Variants in SLC24A3 observed in about 807,000 individuals in gnomAD.
The protein encoded by SLC24A3 is sodium/potassium/calcium exchanger 3.
In SLC24A3, 28 loss-of-function variants were observed where a neutral mutation model predicts 75.8. The ratio of observed to expected loss-of-function variants is 0.37; its 90% CI spans 0.27 to 0.51. The LOEUF (loss-of-function observed/expected upper bound fraction) is 0.51, where lower values mean the gene tolerates loss of function less well. SLC24A3 is among the 20% of genes least tolerant of loss of function. The probability of loss-of-function intolerance (pLI) is 0.94; values close to 1 mark genes in which losing one functional copy is unlikely to be tolerated. For missense variants in SLC24A3, 663 were observed against 847.8 expected (o/e 0.78, Z 2.71); for synonymous variants, 372 against 334.1 (o/e 1.11, Z -1.24).
Position 19,654,069 on chromosome 20 carries a change from C to T in SLC24A3, c.620C>T (p.Ala207Val). The change falls in exon 7 of 17, where the codon GCT becomes GTT. Residue 207 changes from alanine (A) to valine (V), a missense_variant. Transcript: ENST00000328041. The stretch of plus-strand genomic sequence containing the variant: ...GTTTCCCTTGTCCTGCAGGTTGTGG[C>T]TCTTTCCTCCTGGTGCCTGCTGAGG... ...VCGLFAGQVVALSSWCLLRDS... is the reference protein window; with the variant it reads ...VCGLFAGQVVVLSSWCLLRDS... The T allele has an allele frequency of 1.2e-6, 2 of 1,613,154 alleles. No homozygotes were observed. Among genetic ancestry groups the T allele is most frequent in the Non-Finnish European group, 1.7e-6 (2 of 1,179,218 alleles).
At chr20:19,259,245 C>T (rs945451434) in intron 1 of SLC24A3, among the ~76,000 whole-genome samples, 2 of 152,148 alleles carry the variant, frequency 1.3e-5, no homozygotes, top group African/African-American at 2.4e-5. Flanking sequence ...TGAGAGACAG[C>T]GAGGTGCTGG....
intron 2 of SLC24A3, among the ~76,000 whole-genome samples, chr20:19,315,031 G>C (rs572666356): frequency 6.6e-6 from 1 of 152,198 alleles, no homozygotes; most frequent in Admixed American, 6.5e-5. Context: ...AGGTGGTAGG[G>C]CCAGTGTGCT....
intron 4 of SLC24A3, among the ~76,000 whole-genome samples, chr20:19,581,144 GCA>G (rs1168402186): frequency 1.3e-5 from 2 of 152,170 alleles, no homozygotes; most frequent in Non-Finnish European, 2.9e-5. Context: ...TTCCACAGTA[GCA>G]CAGAGTAATT....
At chr20:19,507,998 C>G (rs1988484990) in intron 2 of SLC24A3, among the ~76,000 whole-genome samples, 1 of 152,138 alleles carries the variant, frequency 6.6e-6, no homozygotes, top group Non-Finnish European at 1.5e-5. Flanking sequence ...GCCACTGAGT[C>G]CACGGTACAC....
At chr20:19,692,470 G>A (rs1370351530) in intron 12 of SLC24A3, among the ~76,000 whole-genome samples, 4 of 152,200 alleles carry the variant, frequency 2.6e-5, no homozygotes, top group Non-Finnish European at 5.9e-5. Flanking sequence ...CACGCAACAT[G>A]AATGAATCTC....
chr20:19,622,785 G>C (rs1036419150), intron 6 of SLC24A3, among the ~76,000 whole-genome samples: 2 of 152,224 alleles, frequency 1.3e-5, no homozygotes, highest in African/African-American at 4.8e-5. Flanking sequence ...TTGGCTGTCA[G>C]TTCTGCAGGC....
At chr20:19,459,589 T>C (rs1199263801) in intron 2 of SLC24A3, among the ~76,000 whole-genome samples, 5 of 152,242 alleles carry the variant, frequency 3.3e-5, no homozygotes, top group African/African-American at 1.2e-4. Flanking sequence ...AATAGAACCT[T>C]CATACTATGG....
At chr20:19,678,636 G>C (rs1296023856) in intron 9 of SLC24A3, among the ~76,000 whole-genome samples, 1 of 108,588 alleles carries the variant, frequency 9.2e-6, no homozygotes, top group East Asian at 2.7e-4. Flanking sequence ...GGCCCCGGGC[G>C]GGGGGCTGAC....
intron 5 of SLC24A3, 69 bp downstream of exon 5, chr20:19,585,124 G>T (rs2031277190): frequency 1.4e-6 from 2 of 1,393,124 alleles, no homozygotes; most frequent in South Asian, 2.4e-5. Context: ...GGAATGGATG[G>T]CCCCCAGACC....
At chr20:19,433,589 C>T (rs1307516637) in intron 2 of SLC24A3, among the ~76,000 whole-genome samples, 2 of 152,070 alleles carry the variant, frequency 1.3e-5, no homozygotes, top group African/African-American at 4.8e-5. Context: ...TTGTGGTAGG[C>T]CCTGGAATTT....
At chr20:19,241,351 G>A (rs996251553) in intron 1 of SLC24A3, among the ~76,000 whole-genome samples, 8 of 152,190 alleles carry the variant, frequency 5.3e-5, no homozygotes, top group African/African-American at 1.9e-4. Flanking sequence ...AATACTCGGG[G>A]CTTGGGAGTG....
intron 2 of SLC24A3, among the ~76,000 whole-genome samples, chr20:19,426,316 A>T (rs73900108): frequency 0.02 from 3,077 of 152,334 alleles, 96 homozygotes; most frequent in African/African-American, 0.07. Flanking sequence ...GGTAAAATGT[A>T]AGATTTCTTG....
rs1984407913 is a variant in SLC24A3 at position 19,309,579 on chromosome 20, A to G, written c.271+28492A>G. On this transcript the variant is annotated intron_variant, in intron 2 of 16. Transcript: ENST00000328041. ...TACCTATGCACACTGAATTTTGGAA[A>G]ACGCTGGCCTAGAGCTTCTATTTTT... 3.3e-5 allele frequency among the ~76,000 whole-genome samples: 5 copies of G among 152,178 alleles called. No homozygotes were observed. In the South Asian group the frequency reaches 1.0e-3, roughly 32 times the overall value.
intron 2 of SLC24A3, among the ~76,000 whole-genome samples, chr20:19,479,861 A>G (rs973965838): frequency 1.3e-5 from 2 of 152,208 alleles, no homozygotes; most frequent in African/African-American, 2.4e-5. Context: ...TGGTTGGGAC[A>G]CTGACAGCCC....
chr20:19,675,948 T>G (rs570666575), intron 9 of SLC24A3, among the ~76,000 whole-genome samples: 60 of 152,182 alleles, frequency 3.9e-4, no homozygotes, highest in Non-Finnish European at 7.8e-4. Flanking sequence ...ATCGTTTCAA[T>G]TTTTTAACAT....
chr20:19,323,003 G>A (rs1984749111), intron 2 of SLC24A3, among the ~76,000 whole-genome samples: 1 of 151,782 alleles, frequency 6.6e-6, no homozygotes, highest in Admixed American at 6.6e-5. Context: ...TCAGGAGATC[G>A]AGACCATCCT....
At chr20:19,449,034 C>T (rs1014549559) in intron 2 of SLC24A3, among the ~76,000 whole-genome samples, 2 of 152,144 alleles carry the variant, frequency 1.3e-5, no homozygotes, top group African/African-American at 4.8e-5. Flanking sequence ...GTTCAGGAGT[C>T]ATTTATTAAT....
chr20:19,546,184 A>AAAAAAAAAAAAC (rs2030591807), intron 3 of SLC24A3, among the ~76,000 whole-genome samples: 1 of 148,292 alleles, frequency 6.7e-6, no homozygotes, highest in Non-Finnish European at 1.5e-5. Flanking sequence ...AAAAAAAAAA[A>AAAAAAAAAAAAC]AAAACCAGGT....
At chr20:19,600,064 C>G (rs1049953568) in intron 6 of SLC24A3, among the ~76,000 whole-genome samples, 1 of 152,152 alleles carries the variant, frequency 6.6e-6, no homozygotes, top group African/African-American at 2.4e-5. Flanking sequence ...GTTGAAGGCC[C>G]GTGGGGGTCA....
Sources: gnomAD v4.1 joint callset for allele counts (sites outside exome capture counted in the v4.1 genomes callset) on GRCh38, gnomAD v4.1.1 for gene constraint, MANE v1.5 for transcripts, NCBI Gene and HGNC (gene_info 2026-07-23, HGNC 2026-07-21) for gene names.